The following STAU2 variants were observed in gnomAD, a reference collection of about 807,000 sequenced individuals.
STAU2 encodes the protein staufen double-stranded RNA binding protein 2, also known as double-stranded RNA-binding protein Staufen homolog 2.
In STAU2, 20 loss-of-function variants were observed where a neutral mutation model predicts 65.9. That is an observed-to-expected ratio of 0.30 (90% confidence interval 0.21 to 0.44). The LOEUF is 0.44. Ranked by LOEUF, STAU2 falls within the 20% of genes least tolerant of loss-of-function variation. The probability of loss-of-function intolerance (pLI) is 1.00; values close to 1 mark genes in which losing one functional copy is unlikely to be tolerated. For missense variants in STAU2, 558 were observed against 683.9 expected, an observed-to-expected ratio of 0.82 and a Z score of 2.05; for synonymous variants, 232 against 233.9, an observed-to-expected ratio of 0.99 and a Z score of 0.07.
intron 6 of STAU2, chr8:73,670,641 T>C (rs942769656): frequency 1.3e-5 from 2 of 152,154 alleles, no homozygotes; most frequent in Non-Finnish European, 2.9e-5. Context: ...CTATTTACAA[T>C]TGAATAGAAC....
At chr8:73,458,570 C>T (rs1005875659) in intron 13 of STAU2, 1 of 151,100 alleles carries the variant, frequency 6.6e-6, no homozygotes, top group African/African-American at 2.4e-5. Flanking sequence ...AAAGTAGCTA[C>T]AGTGTAGAAG....
At chr8:73,472,939 T>A (rs1470251462) in intron 13 of STAU2, among the ~76,000 whole-genome samples, 1 of 152,120 alleles carries the variant, frequency 6.6e-6, no homozygotes, top group African/African-American at 2.4e-5. Context: ...GAAAACTAGC[T>A]CAGTTATGAA....
At chr8:73,538,646 T>A (rs1806332454) in intron 13 of STAU2, among the ~76,000 whole-genome samples, 1 of 50,754 alleles carries the variant, frequency 2.0e-5, no homozygotes, top group African/African-American at 4.1e-5. Context: ...AAAAGAAGAG[T>A]AAAAGCTTTC....
intron 13 of STAU2, among the ~76,000 whole-genome samples, chr8:73,478,329 CG>C (rs1423331468): frequency 8.3e-6 from 1 of 120,636 alleles, no homozygotes; most frequent in Non-Finnish European, 1.7e-5. Context: ...AAAAAAAAAT[CG>C]AAAAAAAAAT....
intron 3 of STAU2, among the ~76,000 whole-genome samples, chr8:73,716,367 G>A (rs1002178330): frequency 6.6e-6 from 1 of 152,214 alleles, no homozygotes; most frequent in Admixed American, 6.5e-5. Context: ...TGGGATTACA[G>A]GCGTGAGCCA....
At chr8:73,746,548 C>A (rs1243633066) in intron 1 of STAU2, among the ~76,000 whole-genome samples, 5 of 151,970 alleles carry the variant, frequency 3.3e-5, no homozygotes, top group Non-Finnish European at 7.4e-5. Context: ...ACGCACCCCC[C>A]ACCCCAATTC....
rs774101068 is a variant in STAU2, at chr8:73,709,069, T to C, written c.77A>G (p.Tyr26Cys). The C allele has an allele frequency of 2.6e-6, 4 of 1,531,922 alleles. No individual in the cohort carries two copies. Among genetic ancestry groups the C allele is most frequent in the South Asian group, 1.2e-5 (1 of 83,140 alleles). 94.9% of individuals were successfully genotyped at this position (1,531,922 alleles called of 1,614,324 possible). A position where few individuals can be genotyped will look rare whatever the true frequency, so the allele number is the denominator to read the frequency against. The part of the protein sequence containing the change: ...LARFNRVQPQ[Y>C]KLLNERGPAH... ...AGGCCCTCTTTCATTCAGAAGTTTA[T>C]ACTGGGGTTGGACTCTATTGAAACG... is the stretch of plus-strand genomic sequence containing the variant. The change falls in exon 4 of 15, where the codon TAT becomes TGT. Residue 26 changes from tyrosine (Y) to cysteine (C), a missense_variant. Physicochemically the swap from Tyr to Cys is radical, Grantham distance 194. Coordinates refer to ENST00000524300, the MANE Select transcript of STAU2 (RefSeq NM_001164380.2).
chr8:73,596,057 A>T (rs1241188075), intron 10 of STAU2, among the ~76,000 whole-genome samples: 1 of 151,878 alleles, frequency 6.6e-6, no homozygotes, highest in Non-Finnish European at 1.5e-5. Flanking sequence ...GGTTGCAGTG[A>T]GCCACGATTG....
At chr8:73,671,406 A>AC (rs1817665623) in intron 6 of STAU2, among the ~76,000 whole-genome samples, 2 of 151,984 alleles carry the variant, frequency 1.3e-5, no homozygotes, top group South Asian at 2.1e-4. Flanking sequence ...ACAAAAAAAA[A>AC]CAAAAAAAAC....
chr8:73,455,144 G>T (rs144071799), intron 13 of STAU2, among the ~76,000 whole-genome samples: 5 of 152,222 alleles, frequency 3.3e-5, no homozygotes, highest in African/African-American at 1.2e-4. Context: ...AGGGCCATCT[G>T]GATCCCATCT....
At chr8:73,565,659 T>C (rs754859648) in intron 12 of STAU2, among the ~76,000 whole-genome samples, 1 of 152,216 alleles carries the variant, frequency 6.6e-6, no homozygotes, top group Non-Finnish European at 1.5e-5. Context: ...ACCACCACCA[T>C]GACTGCTATC....
intron 4 of STAU2, among the ~76,000 whole-genome samples, chr8:73,698,803 G>A (rs1015650926): frequency 6.6e-6 from 1 of 151,680 alleles, no homozygotes. Flanking sequence ...TAGACAAAAT[G>A]GATCTAGTAG....
intron 12 of STAU2, among the ~76,000 whole-genome samples, chr8:73,579,885 C>T (rs960922014): frequency 6.6e-6 from 1 of 152,196 alleles, no homozygotes; most frequent in Non-Finnish European, 1.5e-5. Context: ...CAATCACTTG[C>T]AAAACCATTT....
intron 12 of STAU2, among the ~76,000 whole-genome samples, chr8:73,578,639 G>T (rs1010212246): frequency 6.6e-6 from 1 of 152,104 alleles, no homozygotes; most frequent in African/African-American, 2.4e-5. Flanking sequence ...TCTATTTACG[G>T]GACCTTTGTT....
intron 12 of STAU2, among the ~76,000 whole-genome samples, chr8:73,552,598 A>G (rs1450397664): frequency 6.6e-6 from 1 of 152,168 alleles, no homozygotes; most frequent in Non-Finnish European, 1.5e-5. Flanking sequence ...GACAAGGGAA[A>G]CTGAATGTGT....
chr8:73,611,257 G>T (rs1812436126), intron 9 of STAU2, among the ~76,000 whole-genome samples: 1 of 152,124 alleles, frequency 6.6e-6, no homozygotes, highest in Non-Finnish European at 1.5e-5. Context: ...TACACATGTT[G>T]TTCTCTCAAA....
chr8:73,657,742 A>C (rs1177997177), intron 6 of STAU2, among the ~76,000 whole-genome samples: 1 of 152,180 alleles, frequency 6.6e-6, no homozygotes, highest in African/African-American at 2.4e-5. Context: ...GGCCGGGTAC[A>C]GTGGTTCATG....
intron 13 of STAU2, among the ~76,000 whole-genome samples, chr8:73,492,956 T>C (rs1439799037): frequency 6.6e-6 from 1 of 151,784 alleles, no homozygotes; most frequent in African/African-American, 2.4e-5. Context: ...AAAGCTACAG[T>C]AGTAATAGCA....
chr8:73,454,295 G>A (rs1035503462), intron 13 of STAU2, among the ~76,000 whole-genome samples: 4 of 152,046 alleles, frequency 2.6e-5, no homozygotes, highest in African/African-American at 4.8e-5. Flanking sequence ...GACACCAACC[G>A]GACAAATTTA....
Sources: gnomAD v4.1 joint callset for allele counts (sites outside exome capture counted in the v4.1 genomes callset) on GRCh38, gnomAD v4.1.1 for gene constraint, MANE v1.5 for transcripts, NCBI Gene and HGNC (gene_info 2026-07-23, HGNC 2026-07-21) for gene names.